The following TNC variants were observed in gnomAD, a reference collection of about 807,000 sequenced individuals.
TNC encodes the protein tenascin C.
Under a neutral mutation model 202.4 loss-of-function variants are expected in TNC, and 109 were observed. The ratio of observed to expected loss-of-function variants is 0.54; its 90% CI spans 0.46 to 0.63. The LOEUF is 0.63. Ranked by LOEUF, TNC falls within the 30% of genes least tolerant of loss-of-function variation. TNC has a pLI of 0.00. For synonymous variants in TNC, 1,007 were observed against 1,089.7 expected (o/e 0.92, Z 1.50); for missense variants, 2,756 against 2,833.3 (o/e 0.97, Z 0.62).
intron 19 of TNC, among the ~76,000 whole-genome samples, chr9:115,040,188 G>A (rs190655416): frequency 1.2e-3 from 182 of 152,364 alleles, no homozygotes; most frequent in African/African-American, 4.2e-3. Context: ...AGGATAGAGA[G>A]TTTGGAGTCA....
At position 115,020,083 on chromosome 9, in the gene TNC, C is replaced by G. The variant is rs2131392305; in HGVS notation, c.*1074G>C. 1 of 152,086 alleles carries G rather than the reference C, an allele frequency of 6.6e-6. No homozygotes were observed. The highest frequency in any genetic ancestry group is 1.5e-5 in the Non-Finnish European group (1 of 68,002). The allele number at this position is 152,086 out of a possible 1,614,324, so 9.4% of individuals were successfully genotyped here. ...AGAGACAGGGTCTCCCTCTGTTGCCCAGGCTGGAGTGCAGTAGTGTGATCA... is the reference window on the plus strand; with the variant it reads ...AGAGACAGGGTCTCCCTCTGTTGCCGAGGCTGGAGTGCAGTAGTGTGATCA... On this transcript the variant is annotated 3_prime_UTR_variant, in exon 28 of 28. Transcript: ENST00000350763.
rs777694924 is a variant in TNC, at chr9:115,038,224, C to A, written c.5512+37G>T. 2.2e-5 allele frequency: 35 copies of A among 1,601,472 alleles called. No homozygotes were observed. The Admixed American group carries it at 2.2e-4, about 10-fold the overall frequency. On this transcript the variant is annotated intron_variant, in intron 20 of 27. Transcript: ENST00000350763. ...GGAAGAGTTTACAGCAGGAAAGACA[C>A]TCCTTAGAGTGAGGAGAGACTTGGA...
rs1264504519 is a variant in TNC, at chr9:115,020,958, G to C, written c.*199C>G. On this transcript the variant is annotated 3_prime_UTR_variant, in exon 28 of 28. Transcript: ENST00000350763. Reference sequence around the variant, plus strand: ...AAACAGAAACATGTTGGAGACTGATGTCTTTGGTGCAAAGAAAGAAATCAC... The same window carrying C: ...AAACAGAAACATGTTGGAGACTGATCTCTTTGGTGCAAAGAAAGAAATCAC... 6 of 546,610 alleles carry C rather than the reference G, an allele frequency of 1.1e-5. No homozygotes were observed. The highest frequency in any genetic ancestry group is 7.6e-5 in the African/African-American group (4 of 52,678). 33.9% of individuals were successfully genotyped at this position (546,610 alleles called of 1,614,324 possible). A position where few individuals can be genotyped will look rare whatever the true frequency, so the allele number is the denominator to read the frequency against.
chr9:115,029,254 T>C, intron 25 of TNC, 106 bp downstream of exon 25: 1 of 932,098 alleles, frequency 1.1e-6, no homozygotes, highest in Non-Finnish European at 1.7e-6. Flanking sequence ...CAGAAGTAGT[T>C]CTTCTTCCTC....
At chr9:115,096,714 A>C (rs1345023350) in intron 1 of TNC, among the ~76,000 whole-genome samples, 1 of 152,184 alleles carries the variant, frequency 6.6e-6, no homozygotes, top group Admixed American at 6.5e-5. Flanking sequence ...CATACCTTAC[A>C]TGTTTGAACA....
intron 25 of TNC, among the ~76,000 whole-genome samples, chr9:115,028,704 A>G (rs1222171251): frequency 6.6e-6 from 1 of 152,102 alleles, no homozygotes; most frequent in Non-Finnish European, 1.5e-5. Context: ...GCTACAGATA[A>G]AAGGCCAGAT....
rs1026740808 is a variant in TNC, at chr9:115,036,050, G to A, written c.5656+48C>T. 6 of 1,607,922 alleles carry A rather than the reference G, an allele frequency of 3.7e-6. No homozygotes were observed. In the African/African-American group the frequency reaches 8.0e-5, roughly 22 times the overall value. ...GTTCCTGTTTAAGATGCAGGCTGTG[G>A]GTGGGCACCCCAGAAGGGAGAGCTT... On this transcript the variant is annotated intron_variant, in intron 21 of 27. Coordinates refer to ENST00000350763, the MANE Select transcript of TNC (RefSeq NM_002160.4).
intron 14 of TNC, among the ~76,000 whole-genome samples, 197 bp downstream of exon 14, chr9:115,059,533 G>A (rs564224518): frequency 3.3e-5 from 5 of 152,284 alleles, no homozygotes; most frequent in Admixed American, 3.3e-4. Flanking sequence ...GGCAACACCT[G>A]CATCATTCAC....
chr9:115,055,310 G>A (rs1832026651), intron 15 of TNC, among the ~76,000 whole-genome samples: 1 of 152,154 alleles, frequency 6.6e-6, no homozygotes, highest in African/African-American at 2.4e-5. Context: ...TCTTTAATTT[G>A]GGGTGAGAGT....
intron 22 of TNC, among the ~76,000 whole-genome samples, chr9:115,032,186 A>C (rs941697271): frequency 1.3e-5 from 2 of 152,246 alleles, no homozygotes; most frequent in African/African-American, 4.8e-5. Flanking sequence ...TTTAAAACAT[A>C]AAATGAAATA....
At chr9:115,022,703 G>A (rs770906652) in intron 27 of TNC, among the ~76,000 whole-genome samples, 4 of 152,092 alleles carry the variant, frequency 2.6e-5, no homozygotes, top group Non-Finnish European at 4.4e-5. Flanking sequence ...AACAACACAG[G>A]ACTGCTGTCA....
intron 1 of TNC, among the ~76,000 whole-genome samples, chr9:115,092,851 G>T (rs1285985151): frequency 6.6e-6 from 1 of 151,718 alleles, no homozygotes; most frequent in Non-Finnish European, 1.5e-5. Context: ...TTCCCAAAGT[G>T]CTAGGATTAC....
intron 16 of TNC, 69 bp from the exon 17 acceptor site, chr9:115,046,751 C>T: frequency 1.9e-6 from 3 of 1,567,418 alleles, no homozygotes; most frequent in South Asian, 1.2e-5. Flanking sequence ...GCAATCTTCT[C>T]TCCAGTAGGG....
chr9:115,078,256 T>C (rs762401213), intron 6 of TNC, 44 bp from the exon 7 acceptor site: 1 of 1,562,504 alleles, frequency 6.4e-7, no homozygotes, highest in Admixed American at 1.8e-5. Context: ...GTTAGGGCCA[T>C]TGCCTGAGGC....
At chr9:115,059,708 C>A in intron 14 of TNC, 22 bp downstream of exon 14, 1 of 1,554,708 alleles carries the variant, frequency 6.4e-7, no homozygotes, top group Non-Finnish European at 8.7e-7. Context: ...GGGGAGAAAG[C>A]ATTGACAGGG....
At chr9:115,023,934 C>A in intron 27 of TNC, 39 bp downstream of exon 27, 1 of 1,593,862 alleles carries the variant, frequency 6.3e-7, no homozygotes, top group South Asian at 1.1e-5. Flanking sequence ...CTCCAGCTTC[C>A]CAAGCTTGGC....
Position 115,091,048 on chromosome 9 carries a change from G to GGGGCTCTA in TNC, c.-38_-31dup. The GGGGCTCTA allele has an allele frequency of 1.9e-6, 3 of 1,577,840 alleles. No individual in the cohort carries two copies. Among genetic ancestry groups the GGGGCTCTA allele is most frequent in the Non-Finnish European group, 8.6e-7 (1 of 1,158,032 alleles). On this transcript the variant is annotated 5_prime_UTR_variant, in exon 2 of 28. Transcript: ENST00000350763. ...GAGGTGGGTTTGGCTGGGTGCTGCT[G>GGGGCTCTA]GGGCTCTAGGGCTCTAGGGTATCTC...
chr9:115,107,505 C>T (rs374120916), intron 1 of TNC, among the ~76,000 whole-genome samples: 1 of 152,074 alleles, frequency 6.6e-6, no homozygotes, highest in South Asian at 2.1e-4. Flanking sequence ...ATTTTTATGC[C>T]AAATCTTACA....
intron 8 of TNC, 51 bp downstream of exon 8, chr9:115,076,339 A>C: frequency 6.3e-7 from 1 of 1,597,026 alleles, no homozygotes; most frequent in Non-Finnish European, 8.5e-7. Flanking sequence ...CCCATCCTTT[A>C]AGGGCCCTCT....
Sources: allele counts gnomAD v4.1 joint callset (sites outside exome capture counted in the v4.1 genomes callset), GRCh38; gene constraint gnomAD v4.1.1; transcripts MANE v1.5; gene names NCBI Gene and HGNC (gene_info 2026-07-23, HGNC 2026-07-21).